The following CDCA2 variants were observed in gnomAD, a reference collection of about 807,000 sequenced individuals.
CDCA2 encodes the protein cell division cycle associated 2.
CDCA2 carries 44 observed loss-of-function variants against 67.0 expected under a neutral mutation model. That is an observed-to-expected ratio of 0.66 (90% CI 0.52 to 0.84). The LOEUF (loss-of-function observed/expected upper bound fraction) is 0.84, where lower values mean the gene tolerates loss of function less well. Among genes scored for constraint, CDCA2 ranks in the 40% least tolerant of loss-of-function variants. The pLI is 0.00. For synonymous variants in CDCA2, 447 were observed against 418.7 expected (o/e 1.07, Z -0.82); for missense variants, 1,253 against 1,203.2 (o/e 1.04, Z -0.61).
At chr8:25,498,239 G>A (rs1007151025) in intron 13 of CDCA2, among the ~76,000 whole-genome samples, 1 of 151,946 alleles carries the variant, frequency 6.6e-6, no homozygotes, top group Non-Finnish European at 1.5e-5. Flanking sequence ...ATGGAGTCTC[G>A]CTCTGTCGCC....
At chr8:25,464,983 A>T (rs547453679) in intron 4 of CDCA2, among the ~76,000 whole-genome samples, 11 of 152,014 alleles carry the variant, frequency 7.2e-5, no homozygotes, top group South Asian at 4.1e-4. Context: ...ATATATATAT[A>T]TTTTTTCTGA....
In CDCA2 at chr8:25,468,375, A is replaced by C. The variant is rs930970619; in HGVS notation, c.697A>C (p.Arg233=). The C allele has an allele frequency of 2.5e-6, 4 of 1,613,404 alleles. No homozygotes were observed. Among genetic ancestry groups the C allele is most frequent in the Non-Finnish European group, 3.4e-6 (4 of 1,179,662 alleles). Residue 233 remains arginine, a synonymous_variant, in exon 6 of 15, where the codon AGA becomes CGA. Coordinates refer to ENST00000330560, the MANE Select transcript of CDCA2 (RefSeq NM_152562.4). ...CCAGATATTCAATATTGATACAGAC[A>C]GAGCATGTGCAGTTGAAACTTCTGT... ...GLQIFNIDTD[R]ACAVETSVDL...
At chr8:25,506,426 AG>A (rs2117559733) in intron 14 of CDCA2, 83 bp from the exon 15 acceptor site, 1 of 1,273,870 alleles carries the variant, frequency 7.9e-7, no homozygotes, top group South Asian at 1.7e-5. Context: ...AAAACAAAAC[AG>A]GTCACCTGAT....
At chr8:25,467,629 C>T (rs1476247565) in intron 5 of CDCA2, among the ~76,000 whole-genome samples, 2 of 152,064 alleles carry the variant, frequency 1.3e-5, no homozygotes, top group Non-Finnish European at 1.5e-5. Flanking sequence ...ATTAGACATG[C>T]AAAAGTATTT....
chr8:25,475,116 G>A (rs1296654055), intron 7 of CDCA2, among the ~76,000 whole-genome samples: 1 of 152,090 alleles, frequency 6.6e-6, no homozygotes. Context: ...CTCCCCCTAA[G>A]CCAAAATCCA....
intron 8 of CDCA2, among the ~76,000 whole-genome samples, chr8:25,480,829 C>T (rs992689822): frequency 3.9e-5 from 6 of 152,178 alleles, no homozygotes; most frequent in Non-Finnish European, 7.3e-5. Context: ...GAAATGTAAT[C>T]ACTGAGCAAA....
chr8:25,493,762 C>T (rs2117535573), intron 13 of CDCA2, among the ~76,000 whole-genome samples: 1 of 152,246 alleles, frequency 6.6e-6, no homozygotes, highest in South Asian at 2.1e-4. Context: ...TGACAGCATA[C>T]TCACGTGGTA....
intron 3 of CDCA2, 74 bp downstream of exon 3, chr8:25,460,628 G>T (rs1321765533): frequency 6.9e-7 from 1 of 1,456,234 alleles, no homozygotes; most frequent in Non-Finnish European, 9.3e-7. Flanking sequence ...AGCTTTATTT[G>T]TTTATACGTA....
chr8:25,472,432 G>T (rs757073557), intron 7 of CDCA2, among the ~76,000 whole-genome samples: 6 of 151,208 alleles, frequency 4.0e-5, no homozygotes, highest in Admixed American at 6.6e-5. Flanking sequence ...TTGTATTTTT[G>T]TAGAGACGGA....
intron 9 of CDCA2, 53 bp from the exon 10 acceptor site, chr8:25,483,913 A>G (rs956298389): frequency 2.0e-6 from 3 of 1,494,062 alleles, no homozygotes; most frequent in African/African-American, 2.8e-5. Flanking sequence ...TGCCTTTTAG[A>G]TAAGAAATAT....
rs1008994296 is a variant in CDCA2 at position 25,483,843 on chromosome 8, C to T, written c.1121-123C>T. ...TACCAACAATTATTTTATAGCTTTGCTTTACTAGCTATTATACAAATAATA... is the reference window on the plus strand; with the variant it reads ...TACCAACAATTATTTTATAGCTTTGTTTTACTAGCTATTATACAAATAATA... On this transcript the variant is annotated intron_variant, in intron 9 of 14. Transcript: ENST00000330560. 4 of 847,642 alleles carry T rather than the reference C, an allele frequency of 4.7e-6. No homozygotes were observed. In the Admixed American group the frequency reaches 8.2e-5, roughly 17 times the overall value. 52.5% of individuals were successfully genotyped at this position (847,642 alleles called of 1,614,324 possible).
chr8:25,474,062 G>T (rs991143087), intron 7 of CDCA2, among the ~76,000 whole-genome samples: 1 of 152,152 alleles, frequency 6.6e-6, no homozygotes, highest in Non-Finnish European at 1.5e-5. Flanking sequence ...TGATGATATG[G>T]TTTCTATTTT....
chr8:25,463,164 A>G (rs1351833423), intron 4 of CDCA2, among the ~76,000 whole-genome samples: 3 of 152,208 alleles, frequency 2.0e-5, no homozygotes, highest in Non-Finnish European at 2.9e-5. Flanking sequence ...TATAGGGGCA[A>G]GGGTCTCCTG....
In CDCA2 at chr8:25,488,560, CAGTGTTGTAG is replaced by C; in HGVS notation, c.1544_1553del (p.Ser515LysfsTer8). ...TTACACTTTCTTTATAGCAATTGGT[CAGTGTTGTAG>C]AAGAGAGTGTTTGCAACTTATTGAA... On this transcript the variant is annotated frameshift_variant, in exon 13 of 15. Coordinates refer to ENST00000330560, the MANE Select transcript of CDCA2 (RefSeq NM_152562.4). LOFTEE classifies it high-confidence loss of function. 2.5e-6 allele frequency: 4 copies of C among 1,603,036 alleles called. No homozygotes were observed. Among genetic ancestry groups the C allele is most frequent in the Non-Finnish European group, 3.4e-6 (4 of 1,176,556 alleles).
intron 13 of CDCA2, among the ~76,000 whole-genome samples, chr8:25,493,660 A>T (rs1242079125): frequency 1.3e-5 from 2 of 152,224 alleles, no homozygotes. Flanking sequence ...CAGGAAGAAA[A>T]TGTTCAGACT....
chr8:25,461,065 C>T (rs1044573309), intron 3 of CDCA2, among the ~76,000 whole-genome samples: 2 of 151,922 alleles, frequency 1.3e-5, no homozygotes, highest in Non-Finnish European at 2.9e-5. Context: ...GTCAGGAGTT[C>T]GAGACCAGCC....
chr8:25,466,103 A>G, intron 4 of CDCA2, 72 bp from the exon 5 acceptor site: 6 of 1,424,144 alleles, frequency 4.2e-6, no homozygotes, highest in Admixed American at 2.5e-5. Context: ...TTTGGATTCA[A>G]TGGCTGTAGG....
intron 7 of CDCA2, 57 bp from the exon 8 acceptor site, chr8:25,479,856 A>G: frequency 1.3e-6 from 2 of 1,537,786 alleles, no homozygotes; most frequent in South Asian, 1.1e-5. Context: ...TTTTTGGTCT[A>G]GAACAAACAG....
rs750315173 is a variant in CDCA2, at chr8:25,507,165, C to T, written c.2499C>T (p.Ser833=). ...GAGACAGGAAAGATAGAAGACGTTC[C>T]ATGTGTTATTCTGATGGTCGAAGTT... ...SCRDRKDRRR[S]MCYSDGRSLH... is the part of the protein sequence containing the mutation. The change falls in exon 15 of 15, where the codon TCC becomes TCT. Residue 833 remains serine, a synonymous_variant. Coordinates refer to ENST00000330560, the MANE Select transcript of CDCA2 (RefSeq NM_152562.4). 1.9e-6 allele frequency: 3 copies of T among 1,614,122 alleles called. No individual in the cohort carries two copies. The South Asian group carries it at 3.3e-5, about 18-fold the overall frequency.
Sources: allele counts gnomAD v4.1 joint callset (sites outside exome capture counted in the v4.1 genomes callset), GRCh38; gene constraint gnomAD v4.1.1; transcripts MANE v1.5; gene names NCBI Gene and HGNC (gene_info 2026-07-23, HGNC 2026-07-21).